STXBP5L: variants seen among roughly 807,000 people sequenced by gnomAD.
The protein encoded by STXBP5L is syntaxin-binding protein 5-like.
STXBP5L carries 65 observed loss-of-function variants against 144.5 expected under a neutral mutation model. The observed-to-expected ratio is 0.45, with a 90% confidence interval of 0.37 to 0.55. The LOEUF (loss-of-function observed/expected upper bound fraction) is 0.55, where lower values mean the gene tolerates loss of function less well. Among genes scored for constraint, STXBP5L ranks in the 20% least tolerant of loss-of-function variants. STXBP5L has a pLI of 0.00. For synonymous variants in STXBP5L, 505 were observed against 469.6 expected (o/e 1.08, Z -0.97); for missense variants, 1,298 against 1,405.5 (o/e 0.92, Z 1.22).
intron 5 of STXBP5L, among the ~76,000 whole-genome samples, chr3:121,109,030 T>C (rs1355455889): frequency 6.6e-6 from 1 of 152,122 alleles, no homozygotes; most frequent in East Asian, 1.9e-4. Flanking sequence ...GCAAATAAAC[T>C]AATTTATTTG....
At chr3:121,227,506 C>A (rs1195945946) in intron 11 of STXBP5L, among the ~76,000 whole-genome samples, 2 of 152,140 alleles carry the variant, frequency 1.3e-5, no homozygotes, top group African/African-American at 2.4e-5. Context: ...AGCTTGAGCC[C>A]AGGAGATGGA....
chr3:121,036,009 T>A (rs1372302318), intron 3 of STXBP5L, among the ~76,000 whole-genome samples: 1 of 152,128 alleles, frequency 6.6e-6, no homozygotes, highest in African/African-American at 2.4e-5. Context: ...ATATAATTGG[T>A]CTTTGCTAGT....
intron 5 of STXBP5L, among the ~76,000 whole-genome samples, chr3:121,059,498 C>A (rs1019652370): frequency 1.3e-5 from 2 of 151,884 alleles, no homozygotes; most frequent in African/African-American, 4.8e-5. Context: ...AGTTTTTTTT[C>A]TAATTCTGTG....
intron 22 of STXBP5L, among the ~76,000 whole-genome samples, chr3:121,398,840 C>A (rs2046800074): frequency 1.3e-5 from 2 of 152,142 alleles, no homozygotes; most frequent in South Asian, 2.1e-4. Flanking sequence ...CCCTGCTGAT[C>A]TGGGGGCTGT....
At chr3:121,236,822 A>T (rs2049498401) in intron 12 of STXBP5L, among the ~76,000 whole-genome samples, 1 of 152,268 alleles carries the variant, frequency 6.6e-6, no homozygotes, top group African/African-American at 2.4e-5. Context: ...CTGTAAGCTT[A>T]TAAAATATGA....
intron 10 of STXBP5L, among the ~76,000 whole-genome samples, chr3:121,207,070 T>G (rs2048364292): frequency 6.6e-6 from 1 of 152,202 alleles, no homozygotes; most frequent in Non-Finnish European, 1.5e-5. Flanking sequence ...AAAATTATGC[T>G]CATTTTTAAC....
intron 5 of STXBP5L, among the ~76,000 whole-genome samples, chr3:121,057,760 A>C (rs530462191): frequency 6.6e-6 from 1 of 151,838 alleles, no homozygotes; most frequent in African/African-American, 2.4e-5. Flanking sequence ...TTGCATTTCT[A>C]TTTTTTATAA....
intron 7 of STXBP5L, among the ~76,000 whole-genome samples, chr3:121,149,512 C>A (rs1187938998): frequency 6.6e-6 from 1 of 151,196 alleles, no homozygotes; most frequent in African/African-American, 2.4e-5. Context: ...CAATTAGAGA[C>A]ATAAAAATTA....
chr3:121,053,944 A>T (rs550233735), intron 5 of STXBP5L, among the ~76,000 whole-genome samples: 51 of 152,298 alleles, frequency 3.3e-4, no homozygotes, highest in African/African-American at 1.1e-3. Context: ...ATGAACAGAC[A>T]CTTCTCAAAA....
intron 5 of STXBP5L, among the ~76,000 whole-genome samples, chr3:121,096,940 C>G (rs758055577): frequency 1.3e-5 from 2 of 152,186 alleles, no homozygotes; most frequent in Non-Finnish European, 2.9e-5. Context: ...GAAGTTGTGC[C>G]CACAGCAGCC....
chr3:121,349,157 G>A (rs1299949757), intron 20 of STXBP5L, among the ~76,000 whole-genome samples: 1 of 152,064 alleles, frequency 6.6e-6, no homozygotes, highest in Admixed American at 6.6e-5. Context: ...GGTACGTTGT[G>A]TCTTTGTTCT....
At chr3:121,145,349 A>G (rs1380074532) in intron 7 of STXBP5L, among the ~76,000 whole-genome samples, 1 of 125,928 alleles carries the variant, frequency 7.9e-6, no homozygotes, top group Non-Finnish European at 1.7e-5. Context: ...TAGGTCTAAG[A>G]ACAAATGATT....
intron 18 of STXBP5L, among the ~76,000 whole-genome samples, chr3:121,277,465 A>G (rs566941166): frequency 5.9e-5 from 9 of 152,194 alleles, no homozygotes; most frequent in Non-Finnish European, 1.2e-4. Flanking sequence ...ATATACATTT[A>G]TATCTCTAAG....
At chr3:121,153,006 G>C (rs895066607) in intron 8 of STXBP5L, among the ~76,000 whole-genome samples, 1 of 151,904 alleles carries the variant, frequency 6.6e-6, no homozygotes, top group Admixed American at 6.6e-5. Context: ...CAGTTTGAAA[G>C]GTCTTGTCTT....
intron 9 of STXBP5L, among the ~76,000 whole-genome samples, 179 bp from the exon 10 acceptor site, chr3:121,205,744 A>C (rs1334722254): frequency 6.6e-6 from 1 of 152,170 alleles, no homozygotes; most frequent in Non-Finnish European, 1.5e-5. Context: ...GCAACTCTAA[A>C]GATTGTTTAC....
In STXBP5L at chr3:120,978,364, C is replaced by T. The variant is rs1045384247; in HGVS notation, c.287+23327C>T. 5.9e-5 allele frequency among the ~76,000 whole-genome samples: 9 copies of T among 152,212 alleles called. No individual in the cohort carries two copies. In the South Asian group the frequency reaches 6.2e-4, roughly 10 times the overall value. On this transcript the variant is annotated intron_variant, in intron 3 of 26. Coordinates refer to ENST00000471454, the MANE Select transcript of STXBP5L (RefSeq NM_001308330.2). ...GCTCTTGAGGCTTCTGCATTCTTCACGTAGTTCTCAAGCCTTGGCTTTCAG... is the reference window on the plus strand; with the variant it reads ...GCTCTTGAGGCTTCTGCATTCTTCATGTAGTTCTCAAGCCTTGGCTTTCAG...
chr3:121,330,820 T>A (rs1211534553), intron 20 of STXBP5L, among the ~76,000 whole-genome samples: 1 of 152,226 alleles, frequency 6.6e-6, no homozygotes, highest in Non-Finnish European at 1.5e-5. Context: ...TCTGTTCACA[T>A]GACCCGTTCA....
At chr3:121,114,443 T>C (rs932485721) in intron 5 of STXBP5L, among the ~76,000 whole-genome samples, 11 of 152,180 alleles carry the variant, frequency 7.2e-5, no homozygotes, top group Non-Finnish European at 1.5e-4. Context: ...CTTTATGTAT[T>C]TGAAGTAAAT....
At chr3:120,945,410 A>G (rs1710794283) in intron 2 of STXBP5L, among the ~76,000 whole-genome samples, 2 of 151,784 alleles carry the variant, frequency 1.3e-5, no homozygotes, top group South Asian at 4.1e-4. Flanking sequence ...GTAGTTTCCA[A>G]TGGTTACATT....
Sources: gnomAD v4.1 joint callset for allele counts (sites outside exome capture counted in the v4.1 genomes callset) on GRCh38, gnomAD v4.1.1 for gene constraint, MANE v1.5 for transcripts, NCBI Gene and HGNC (gene_info 2026-07-23, HGNC 2026-07-21) for gene names.